The following NOL10 variants were observed in gnomAD, a reference collection of about 807,000 sequenced individuals.
NOL10 encodes nucleolar protein 10, also known as H_NH0074G24.1.
A neutral mutation model predicts 103.5 loss-of-function variants in NOL10; 58 were observed. The ratio of observed to expected loss-of-function variants is 0.56; its 90% confidence interval spans 0.45 to 0.70. NOL10 has a LOEUF of 0.70. Among genes scored for constraint, NOL10 ranks in the 30% least tolerant of loss-of-function variants. The pLI, the probability that NOL10 is intolerant of heterozygous loss-of-function variation, is 0.00. For synonymous variants in NOL10, 287 were observed against 282.5 expected (o/e 1.02, Z -0.16); for missense variants, 763 against 807.3 (o/e 0.95, Z 0.67).
chr2:10,577,439 T>C (rs1365440357), intron 20 of NOL10, among the ~76,000 whole-genome samples, 197 bp downstream of exon 20: 2 of 152,224 alleles, frequency 1.3e-5, no homozygotes, highest in Admixed American at 1.3e-4. Flanking sequence ...GTGACATTCC[T>C]GGCTCTGCTG....
intron 3 of NOL10, among the ~76,000 whole-genome samples, chr2:10,676,895 C>T (rs1454506313): frequency 6.6e-6 from 1 of 151,026 alleles, no homozygotes; most frequent in Non-Finnish European, 1.5e-5. Context: ...ACCTTGGCCT[C>T]CCAAAGTGCT....
At chr2:10,662,342 C>T (rs1387425594) in intron 9 of NOL10, among the ~76,000 whole-genome samples, 3 of 152,146 alleles carry the variant, frequency 2.0e-5, no homozygotes, top group Admixed American at 6.5e-5. Flanking sequence ...CTGTGATGGA[C>T]GTCCCAGGCT....
At chr2:10,620,914 G>A (rs1330312780) in intron 13 of NOL10, among the ~76,000 whole-genome samples, 2 of 152,110 alleles carry the variant, frequency 1.3e-5, no homozygotes, top group Non-Finnish European at 2.9e-5. Flanking sequence ...TCCTGCCTCA[G>A]CCTCCTGAGT....
At chr2:10,595,498 T>C (rs1039330189) in intron 17 of NOL10, among the ~76,000 whole-genome samples, 4 of 152,148 alleles carry the variant, frequency 2.6e-5, no homozygotes, top group Non-Finnish European at 4.4e-5. Context: ...GGTTTCACCA[T>C]GTTGCCCAGG....
At chr2:10,633,811 GTGTA>G (rs1453462117) in intron 13 of NOL10, among the ~76,000 whole-genome samples, 3 of 150,302 alleles carry the variant, frequency 2.0e-5, no homozygotes, top group Non-Finnish European at 4.4e-5. Context: ...GTGTGTGTGT[GTGTA>G]TATATATATA....
intron 9 of NOL10, 140 bp downstream of exon 9, chr2:10,662,819 C>A: frequency 1.5e-6 from 1 of 665,986 alleles, no homozygotes; most frequent in Non-Finnish European, 2.5e-6. Context: ...TGAGCTTTTA[C>A]AGGAGAGGAT....
At chr2:10,622,026 C>CTCACATTTCAAGTACTCACATT in intron 13 of NOL10, 1 of 469,802 alleles carries the variant, frequency 2.1e-6, no homozygotes, top group South Asian at 1.6e-5. Context: ...ATTTCAAGTG[C>CTCACATTTCAAGTACTCACATT]TCAACAGCTA....
intron 2 of NOL10, 76 bp downstream of exon 2, chr2:10,684,491 T>A: frequency 8.8e-7 from 1 of 1,142,142 alleles, no homozygotes; most frequent in Non-Finnish European, 1.3e-6. Context: ...TCCTCACTTA[T>A]ATATAACAGC....
intron 17 of NOL10, among the ~76,000 whole-genome samples, chr2:10,595,159 A>G (rs1438334793): frequency 1.1e-5 from 1 of 90,722 alleles, no homozygotes; most frequent in African/African-American, 7.5e-5. Context: ...AGAGAGAGAG[A>G]GAGAGAGAGA....
At chr2:10,661,464 CG>C (rs1680201429) in intron 9 of NOL10, among the ~76,000 whole-genome samples, 1 of 144,894 alleles carries the variant, frequency 6.9e-6, no homozygotes, top group Non-Finnish European at 1.5e-5. Context: ...CTCTGCCTCC[CG>C]GGTTCAGGCG....
At chr2:10,573,162 A>C (rs1262727165) in intron 20 of NOL10, among the ~76,000 whole-genome samples, 1 of 151,776 alleles carries the variant, frequency 6.6e-6, no homozygotes, top group Non-Finnish European at 1.5e-5. Context: ...GCACCGTCTT[A>C]TGGACACCCA....
chr2:10,648,368 G>A (rs1440428691), intron 12 of NOL10, among the ~76,000 whole-genome samples: 1 of 152,140 alleles, frequency 6.6e-6, no homozygotes, highest in East Asian at 1.9e-4. Context: ...GGAAAGCAAG[G>A]AAAAGCGGAG....
chr2:10,597,213 G>A (rs895688504), intron 17 of NOL10, among the ~76,000 whole-genome samples: 1 of 152,102 alleles, frequency 6.6e-6, no homozygotes, highest in East Asian at 1.9e-4. Flanking sequence ...GACATTATGT[G>A]GTGGGCCACT....
intron 20 of NOL10, among the ~76,000 whole-genome samples, chr2:10,574,012 CTG>C (rs1202850187): frequency 3.6e-5 from 5 of 138,280 alleles, no homozygotes; most frequent in Non-Finnish European, 6.0e-5. Context: ...CTTACTGAAA[CTG>C]TGCAAAGTTT....
chr2:10,584,140 C>T (rs1674904043), intron 19 of NOL10, among the ~76,000 whole-genome samples: 1 of 152,200 alleles, frequency 6.6e-6, no homozygotes, highest in African/African-American at 2.4e-5. Flanking sequence ...CTGAATGCTC[C>T]ACTCTGCATC....
intron 13 of NOL10, among the ~76,000 whole-genome samples, chr2:10,619,422 G>A (rs1677006066): frequency 6.6e-6 from 1 of 152,182 alleles, no homozygotes; most frequent in South Asian, 2.1e-4. Flanking sequence ...CCAAAGCAAT[G>A]GGAGTACAGT....
At chr2:10,633,435 T>C (rs1342246810) in intron 13 of NOL10, among the ~76,000 whole-genome samples, 3 of 151,156 alleles carry the variant, frequency 2.0e-5, no homozygotes, top group South Asian at 2.1e-4. Context: ...TATCATAACA[T>C]TGGTATTAAT....
intron 12 of NOL10, among the ~76,000 whole-genome samples, chr2:10,646,048 A>T (rs1679052731): frequency 6.6e-6 from 1 of 152,172 alleles, no homozygotes; most frequent in African/African-American, 2.4e-5. Flanking sequence ...ACAAAGTCAG[A>T]GCTGTTTTTC....
intron 12 of NOL10, among the ~76,000 whole-genome samples, chr2:10,646,523 G>A (rs368128312): frequency 1.3e-5 from 2 of 152,322 alleles, no homozygotes; most frequent in African/African-American, 4.8e-5. Flanking sequence ...GAGGGTCAGG[G>A]CTGAAAGCAA....
Sources: gnomAD v4.1 joint callset for allele counts (sites outside exome capture counted in the v4.1 genomes callset) on GRCh38, gnomAD v4.1.1 for gene constraint, MANE v1.5 for transcripts, NCBI Gene and HGNC (gene_info 2026-07-23, HGNC 2026-07-21) for gene names.